PRKCA: variants seen among roughly 807,000 people sequenced by gnomAD.
PRKCA encodes the protein protein kinase C alpha, also known as protein kinase C alpha type.
In PRKCA, 27 loss-of-function variants were observed where a neutral mutation model predicts 87.0. The observed-to-expected ratio is 0.31, with a 90% CI of 0.23 to 0.43. The LOEUF is 0.43. Among genes scored for constraint, PRKCA ranks in the 20% least tolerant of loss-of-function variants. The pLI is 1.00. For synonymous variants in PRKCA, 329 were observed against 311.1 expected (o/e 1.06, Z -0.61); for missense variants, 518 against 852.3 (o/e 0.61, Z 4.88).
chr17:66,659,057 G>T (rs1375161629), intron 5 of PRKCA, among the ~76,000 whole-genome samples: 1 of 152,106 alleles, frequency 6.6e-6, no homozygotes, highest in African/African-American at 2.4e-5. Flanking sequence ...ACCTCTCTTT[G>T]TTTCCCTCTC....
chr17:66,641,963 C>T (rs1300692332), intron 4 of PRKCA, among the ~76,000 whole-genome samples: 3 of 152,146 alleles, frequency 2.0e-5, no homozygotes, highest in Non-Finnish European at 4.4e-5. Context: ...TTGAAGTTCA[C>T]TGACCCAGCA....
chr17:66,638,765 A>G (rs12451901), intron 3 of PRKCA, among the ~76,000 whole-genome samples: 8,115 of 152,012 alleles, frequency 0.053, 288 homozygotes, highest in Admixed American at 0.077. Flanking sequence ...GGAGAATGGC[A>G]TGAACCTGGG....
intron 2 of PRKCA, among the ~76,000 whole-genome samples, chr17:66,437,684 G>T (rs80163898): frequency 0.046 from 6,239 of 134,656 alleles, 170 homozygotes; most frequent in East Asian, 0.12. Flanking sequence ...GGATGCTGTG[G>T]GTCCCAGAAG....
intron 8 of PRKCA, among the ~76,000 whole-genome samples, chr17:66,704,741 G>T (rs1973148751): frequency 6.6e-6 from 1 of 152,178 alleles, no homozygotes; most frequent in Non-Finnish European, 1.5e-5. Flanking sequence ...AATATTTTGA[G>T]ATTATCCTTC....
At chr17:66,664,863 C>T (rs74410833) in intron 5 of PRKCA, among the ~76,000 whole-genome samples, 1 of 151,962 alleles carries the variant, frequency 6.6e-6, no homozygotes, top group Non-Finnish European at 1.5e-5. Context: ...TGGTCTCACA[C>T]TCCTGGCCTC....
chr17:66,318,899 T>C (rs1209133311), intron 2 of PRKCA, among the ~76,000 whole-genome samples: 1 of 151,572 alleles, frequency 6.6e-6, no homozygotes. Context: ...AGTAGGCAGA[T>C]TGCTTGAATT....
chr17:66,688,002 G>A (rs1972674693), intron 6 of PRKCA, among the ~76,000 whole-genome samples: 1 of 152,174 alleles, frequency 6.6e-6, no homozygotes, highest in Non-Finnish European at 1.5e-5. Flanking sequence ...AGCCTCTGTT[G>A]CACCGGTATA....
At chr17:66,706,690 G>A (rs1973202172) in intron 8 of PRKCA, among the ~76,000 whole-genome samples, 1 of 151,506 alleles carries the variant, frequency 6.6e-6, no homozygotes, top group South Asian at 2.1e-4. Flanking sequence ...AAAAAAAGAA[G>A]GATATTTGCG....
At chr17:66,634,048 G>A (rs1213732687) in intron 3 of PRKCA, among the ~76,000 whole-genome samples, 1 of 152,216 alleles carries the variant, frequency 6.6e-6, no homozygotes, top group Admixed American at 6.5e-5. Context: ...AATGATAGCG[G>A]TAATGATGAT....
chr17:66,634,745 A>T (rs1242641129), intron 3 of PRKCA, among the ~76,000 whole-genome samples: 1 of 152,198 alleles, frequency 6.6e-6, no homozygotes, highest in East Asian at 1.9e-4. Flanking sequence ...GAACCTATTA[A>T]TGTCACTTTC....
At chr17:66,581,281 G>T (rs1969422304) in intron 3 of PRKCA, among the ~76,000 whole-genome samples, 1 of 152,148 alleles carries the variant, frequency 6.6e-6, no homozygotes, top group South Asian at 2.1e-4. Flanking sequence ...ACTCAATTCT[G>T]CTCTTGGGAT....
chr17:66,622,765 G>A lies in PRKCA; in HGVS notation c.289-18590G>A, dbSNP rs183981241. Among the ~76,000 whole-genome samples, 951 of 152,300 alleles carry A rather than the reference G, an allele frequency of 6.2e-3. 31 individuals carry two copies. The highest frequency in any genetic ancestry group is 0.054 in the Admixed American group (831 of 15,288). ...GGTGAAAGGCACTTCTTAACACGGT[G>A]GTGGCACGAGAGATGAGAAAGAATC... On this transcript the variant is annotated intron_variant, in intron 3 of 16. Coordinates refer to ENST00000413366, the MANE Select transcript of PRKCA (RefSeq NM_002737.3).
intron 3 of PRKCA, among the ~76,000 whole-genome samples, chr17:66,604,611 C>T (rs1401019263): frequency 6.6e-6 from 1 of 152,152 alleles, no homozygotes; most frequent in Non-Finnish European, 1.5e-5. Context: ...AATTAGGATT[C>T]TCTGAAGACA....
At chr17:66,497,597 T>G (rs772318587) in intron 3 of PRKCA, among the ~76,000 whole-genome samples, 1 of 152,174 alleles carries the variant, frequency 6.6e-6, no homozygotes, top group African/African-American at 2.4e-5. Flanking sequence ...AAGTAATATT[T>G]TAACTGAATA....
chr17:66,445,641 C>A (rs78330327), intron 2 of PRKCA, among the ~76,000 whole-genome samples: 6,922 of 152,244 alleles, frequency 0.045, 233 homozygotes, highest in Admixed American at 0.11. Flanking sequence ...CAATACCAGC[C>A]CTTACGGCCT....
Position 66,689,121 on chromosome 17 carries a change from G to A in PRKCA, c.918+74G>A. 4 of 958,356 alleles carry A rather than the reference G, an allele frequency of 4.2e-6. No homozygotes were observed. In the South Asian group the frequency reaches 6.8e-5, roughly 16 times the overall value. The allele number at this position is 958,356 out of a possible 1,614,324, so 59.4% of individuals were successfully genotyped here. ...CTTCAGGAACGGCCGAGATGTTGTG[G>A]TCACATTTTTGAAAAGCAAAAAAAA... On this transcript the variant is annotated intron_variant, in intron 8 of 16. Transcript: ENST00000413366. The surrounding 1 kb of genome is among the most constrained non-coding windows in gnomAD (Gnocchi z 4.1).
intron 3 of PRKCA, among the ~76,000 whole-genome samples, chr17:66,608,243 C>T (rs1186560101): frequency 6.6e-6 from 1 of 152,086 alleles, no homozygotes; most frequent in African/African-American, 2.4e-5. Flanking sequence ...GCAGTGTTCC[C>T]ACTTACCTAA....
chr17:66,643,919 A>G (rs944180116), intron 4 of PRKCA, among the ~76,000 whole-genome samples: 1 of 152,216 alleles, frequency 6.6e-6, no homozygotes, highest in African/African-American at 2.4e-5. Context: ...AATTAGAGCA[A>G]ATCAGCTTCC....
At position 66,348,746 on chromosome 17, in the gene PRKCA, C is replaced by T. The variant is rs1171231033; in HGVS notation, c.205+42619C>T. On this transcript the variant is annotated intron_variant, in intron 2 of 16. Transcript: ENST00000413366. ...AGCCTCTTAGAGCAGGCAGTTGGAA[C>T]ATTATCCAGCAGCAGGTTGAACAGC... Among the ~76,000 whole-genome samples the T allele has an allele frequency of 3.9e-5, 6 of 152,150 alleles. No homozygotes were observed. In the East Asian group the frequency reaches 1.2e-3, roughly 29 times the overall value.
Sources: allele counts gnomAD v4.1 joint callset (sites outside exome capture counted in the v4.1 genomes callset), GRCh38; gene constraint gnomAD v4.1.1; non-coding constraint Gnocchi (gnomAD v3.1); transcripts MANE v1.5; gene names NCBI Gene and HGNC (gene_info 2026-07-23, HGNC 2026-07-21).